The following MYO15A variants were observed in gnomAD, a reference collection of about 807,000 sequenced individuals.
MYO15A encodes the protein myosin XVA, also known as unconventional myosin-XV.
A neutral mutation model predicts 394.6 loss-of-function variants in MYO15A; 308 were observed. That is an observed-to-expected ratio of 0.78 (90% confidence interval 0.71 to 0.86). The LOEUF (loss-of-function observed/expected upper bound fraction) is 0.86. MYO15A is among the 40% of genes least tolerant of loss of function. The probability of loss-of-function intolerance (pLI) is 0.00; values close to 1 mark genes in which losing one functional copy is unlikely to be tolerated. For synonymous variants in MYO15A, 1,957 were observed against 2,003.8 expected (o/e 0.98, Z 0.62); for missense variants, 4,606 against 4,799.1 (o/e 0.96, Z 1.19).
chr17:18,148,267 G>A lies in MYO15A; in HGVS notation c.6691+57G>A. On this transcript the variant is annotated intron_variant, in intron 31 of 65. Transcript: ENST00000647165. The surrounding 1 kb of genome is among the most constrained non-coding windows in gnomAD (Gnocchi z 4.8). ...AGTGGGAGTCAGCAGGGCCCAGTGA[G>A]CCCCGGGGATGGCAGAAGCCACTGG... is the stretch of plus-strand genomic sequence containing the variant. 1 of 1,604,842 alleles carries A rather than the reference G, an allele frequency of 6.2e-7. No homozygotes were observed. Among genetic ancestry groups the A allele is most frequent in the Non-Finnish European group, 8.5e-7 (1 of 1,176,444 alleles).
chr17:18,138,055 AG>A, intron 16 of MYO15A, 59 bp from the exon 17 acceptor site: 1 of 596,430 alleles, frequency 1.7e-6, no homozygotes. Flanking sequence ...CATGGGAGGG[AG>A]GGTGGGTGGG....
At position 18,132,919 on chromosome 17, in the gene MYO15A, C is replaced by T. The variant is rs978916943; in HGVS notation, c.4321-306C>T. Among the ~76,000 whole-genome samples, 6 of 152,158 alleles carry T rather than the reference C, an allele frequency of 3.9e-5. No individual in the cohort carries two copies. The highest frequency in any genetic ancestry group is 1.4e-4 in the African/African-American group (6 of 41,420). ...ATGTAGTGAGGCTTAGATGAGGAAA[C>T]GCATGTAAAGAGCTTAGCACAGGGC... On this transcript the variant is annotated intron_variant, in intron 11 of 65. Coordinates refer to ENST00000647165, the MANE Select transcript of MYO15A (RefSeq NM_016239.4). This position sits in a 1 kb window ranked among gnomAD's most constrained non-coding sequence, Gnocchi z 4.6.
At position 18,157,937 on chromosome 17, in the gene MYO15A, CA is replaced by C. The variant is rs1337405868; in HGVS notation, c.8967+38del. ...GTGGGTGGGGTGGGGCGGGGTAGAC[CA>C]GGGGGAAGGGGCCGCTGCAGAAGGG... On this transcript the variant is annotated intron_variant, in intron 51 of 65. Transcript: ENST00000647165. 11 of 1,425,320 alleles carry C rather than the reference CA, an allele frequency of 7.7e-6. No homozygotes were observed. In the Admixed American group the frequency reaches 8.1e-5, roughly 11 times the overall value. 88.3% of individuals were successfully genotyped at this position (1,425,320 alleles called of 1,614,324 possible). A position where few individuals can be genotyped will look rare whatever the true frequency, so the allele number is the denominator to read the frequency against.
intron 62 of MYO15A, among the ~76,000 whole-genome samples, chr17:18,168,944 A>C (rs1432808207): frequency 6.6e-6 from 1 of 150,378 alleles, no homozygotes; most frequent in Non-Finnish European, 1.5e-5. Flanking sequence ...TCTACTAAAA[A>C]AATTTAAAAA....
At position 18,150,070 on chromosome 17, in the gene MYO15A, C is replaced by G. The variant is rs2046552750; in HGVS notation, c.7213-359C>G. 2.8e-6 allele frequency: 1 copy of G among 357,820 alleles called. No homozygotes were observed. The highest frequency in any genetic ancestry group is 5.3e-6 in the Non-Finnish European group (1 of 190,398). The allele number at this position is 357,820 out of a possible 1,614,324, so 22.2% of individuals were successfully genotyped here. A position where few individuals can be genotyped will look rare whatever the true frequency, so the allele number is the denominator to read the frequency against. ...TGAATGACCTTGGTCCCCGGGTCTT[C>G]TAGCCCCAGATCTCACGAGACCCCT... On this transcript the variant is annotated intron_variant, in intron 35 of 65. Coordinates refer to ENST00000647165, the MANE Select transcript of MYO15A (RefSeq NM_016239.4). This position sits in a 1 kb window ranked among gnomAD's most constrained non-coding sequence, Gnocchi z 4.4.
chr17:18,148,024 A>G lies in MYO15A; in HGVS notation c.6510-5A>G. 1 of 1,613,852 alleles carries G rather than the reference A, an allele frequency of 6.2e-7. No individual in the cohort carries two copies. The highest frequency in any genetic ancestry group is 8.5e-7 in the Non-Finnish European group (1 of 1,179,970). ...TTGATCCTGGCTCCAACTCCTACCC[A>G]TCAGGTTTGTGTCTGATTATGGGCG... On this transcript the variant is annotated splice_polypyrimidine_tract_variant and splice_region_variant and intron_variant, in intron 30 of 65. Coordinates refer to ENST00000647165, the MANE Select transcript of MYO15A (RefSeq NM_016239.4). This position sits in a 1 kb window ranked among gnomAD's most constrained non-coding sequence, Gnocchi z 4.8.
intron 44 of MYO15A, 65 bp from the exon 45 acceptor site, chr17:18,154,615 A>T: frequency 6.5e-7 from 1 of 1,530,754 alleles, no homozygotes; most frequent in Non-Finnish European, 9.0e-7. Context: ...ACCCTAGTAT[A>T]GTCCAGCCTG....
At position 18,119,938 on chromosome 17, in the gene MYO15A, T is replaced by C. The variant is rs1051392093; in HGVS notation, c.1138T>C (p.Tyr380His). The C allele has an allele frequency of 5.6e-6, 9 of 1,613,598 alleles. No individual in the cohort carries two copies. The highest frequency in any genetic ancestry group is 7.6e-6 in the Non-Finnish European group (9 of 1,179,994). ...DPYGVHYTVP[Y>H]AEGVYGGGDE... ...CTACGGAGTCCACTACACCGTCCCC[T>C]ATGCCGAAGGCGTCTATGGCGGTGG... Residue 380 changes from tyrosine to histidine, a missense_variant, in exon 2 of 66, where the codon TAT becomes CAT. Physicochemically the swap from Tyr to His is moderately conservative, Grantham distance 83. Coordinates refer to ENST00000647165, the MANE Select transcript of MYO15A (RefSeq NM_016239.4).
In MYO15A at chr17:18,132,621, C is replaced by A; in HGVS notation, c.4320+55C>A. On this transcript the variant is annotated intron_variant, in intron 11 of 65. Transcript: ENST00000647165. The surrounding 1 kb of genome is among the most constrained non-coding windows in gnomAD (Gnocchi z 4.6). The stretch of plus-strand genomic sequence containing the variant: ...TGGCCCTGGTCCTCCCACCCCGACG[C>A]CCCTGGCTGGGCCTTGGGAGCCGAG... 6.7e-7 allele frequency: 1 copy of A among 1,482,756 alleles called. No homozygotes were observed. Among genetic ancestry groups the A allele is most frequent in the Non-Finnish European group, 9.3e-7 (1 of 1,072,816 alleles). The allele number at this position is 1,482,756 out of a possible 1,614,324, so 91.8% of individuals were successfully genotyped here.
intron 51 of MYO15A, among the ~76,000 whole-genome samples, 173 bp downstream of exon 51, chr17:18,158,073 C>A (rs1035870802): frequency 1.3e-5 from 2 of 152,054 alleles, no homozygotes; most frequent in Non-Finnish European, 2.9e-5. Flanking sequence ...GCAGGTGAGA[C>A]CCGGGAGATG....
intron 15 of MYO15A, 24 bp downstream of exon 15, chr17:18,136,710 G>C: frequency 6.3e-7 from 1 of 1,575,782 alleles, no homozygotes; most frequent in Non-Finnish European, 8.6e-7. Context: ...GGAGGCTGAG[G>C]GGCGGGGGAC....
chr17:18,177,588 C>G (rs982534345), intron 65 of MYO15A: 25 of 152,248 alleles, frequency 1.6e-4, no homozygotes, highest in African/African-American at 6.0e-4. Context: ...GCCAGCACAG[C>G]TAACCTCAAC....
chr17:18,141,605 C>T, intron 22 of MYO15A, 48 bp from the exon 23 acceptor site: 1 of 1,564,584 alleles, frequency 6.4e-7, no homozygotes, highest in Non-Finnish European at 8.8e-7. Flanking sequence ...CTAGCAGACA[C>T]CTCGGGTAGG....
intron 60 of MYO15A, chr17:18,164,962 A>G (rs1435450792): frequency 1.3e-5 from 2 of 152,026 alleles, no homozygotes; most frequent in East Asian, 3.9e-4. Flanking sequence ...CAACATGGAG[A>G]AACCACATCT....
chr17:18,173,956 T>C (rs1193405845), intron 65 of MYO15A, 35 bp downstream of exon 65: 1 of 1,604,866 alleles, frequency 6.2e-7, no homozygotes, highest in East Asian at 2.2e-5. Flanking sequence ...TTCCACTCAC[T>C]GGGCCCTTCT....
Position 18,152,112 on chromosome 17 carries a change from G to T in MYO15A, c.7894G>T (p.Val2632Leu), listed in dbSNP as rs1350064875. 6.4e-7 allele frequency: 1 copy of T among 1,551,604 alleles called. No individual in the cohort carries two copies. The highest frequency in any genetic ancestry group is 1.2e-5 in the South Asian group (1 of 84,050). Reference protein sequence around the residue: ...THLAAAPGTQVSREAVALVKP... With the variant: ...THLAAAPGTQLSREAVALVKP... The stretch of plus-strand genomic sequence containing the variant: ...GAGCAGTCTCTTTGGGGTGGGACAG[G>T]TGTCCAGAGAGGCCGTGGCCCTGGT... The change falls in exon 42 of 66, where the codon GTG becomes TTG. Residue 2632 changes from valine (V) to leucine (L), a missense_variant and splice_region_variant. Val to Leu is a conservative substitution (Grantham distance 32). Coordinates refer to ENST00000647165, the MANE Select transcript of MYO15A (RefSeq NM_016239.4).
intron 50 of MYO15A, 114 bp from the exon 51 acceptor site, chr17:18,157,607 CT>C (rs2046698419): frequency 1.6e-5 from 25 of 1,540,118 alleles, no homozygotes; most frequent in Non-Finnish European, 2.0e-5. Flanking sequence ...ATGGCCTGGC[CT>C]GCCTCATAGA....
At position 18,155,423 on chromosome 17, in the gene MYO15A, G is replaced by A. The variant is rs761861080; in HGVS notation, c.8450G>A (p.Arg2817His). Reference protein sequence around the residue: ...QEAGGQLRVLRAYSFADILFV... With the variant: ...QEAGGQLRVLHAYSFADILFV... ...GCCGGCGGGCAGCTGCGGGTCCTGC[G>A]TGCATACAGGTGACCAGCAGGGGTG... Residue 2817 changes from arginine to histidine, a missense_variant, in exon 47 of 66, where the codon CGT becomes CAT. Physicochemically the swap from Arg to His is conservative, Grantham distance 29. Transcript: ENST00000647165. 1.7e-5 allele frequency: 28 copies of A among 1,612,972 alleles called. No homozygotes were observed. The East Asian group carries it at 3.6e-4, about 21-fold the overall frequency.
rs2045840780 is a variant in MYO15A, at chr17:18,119,027, C to T, written c.227C>T (p.Ala76Val). 3.7e-6 allele frequency: 6 copies of T among 1,612,564 alleles called. No homozygotes were observed. Among genetic ancestry groups the T allele is most frequent in the Non-Finnish European group, 4.2e-6 (5 of 1,179,864 alleles). The change falls in exon 2 of 66, where the codon GCC (alanine) becomes GTC (valine). Residue 76 changes from alanine (A) to valine (V), a missense_variant. Transcript: ENST00000647165. ...GPQKTKRKRK[A>V]RTVLKSTSKL... ...CAGAAGACCAAGCGCAAGAGGAAGG[C>T]CCGCACCGTGCTCAAGTCCACGTCA...
Sources: allele counts gnomAD v4.1 joint callset (sites outside exome capture counted in the v4.1 genomes callset), GRCh38; gene constraint gnomAD v4.1.1; non-coding constraint Gnocchi (gnomAD v3.1); transcripts MANE v1.5; gene names NCBI Gene and HGNC (gene_info 2026-07-23, HGNC 2026-07-21).